Variants in RBFOX1 observed in about 807,000 individuals in gnomAD.
RBFOX1 encodes the protein RNA binding fox-1 homolog 1.
RBFOX1 carries 8 observed loss-of-function variants against 57.7 expected under a neutral mutation model. The ratio of observed to expected loss-of-function variants is 0.14; its 90% CI spans 0.08 to 0.25. The LOEUF is 0.25. Ranked by LOEUF, RBFOX1 falls within the 10% of genes least tolerant of loss-of-function variation. The pLI is 1.00. For synonymous variants in RBFOX1, 326 were observed against 222.4 expected, an observed-to-expected ratio of 1.47 and a Z score of -4.15; for missense variants, 611 against 548.5, an observed-to-expected ratio of 1.11 and a Z score of -1.14.
chr16:6,745,490 C>T (rs983348287), intron 3 of RBFOX1, among the ~76,000 whole-genome samples: 1 of 152,068 alleles, frequency 6.6e-6, no homozygotes, highest in East Asian at 1.9e-4. Flanking sequence ...GAAAAGATGC[C>T]TTAACATTTG....
At chr16:7,193,657 T>C (rs149622864) in intron 4 of RBFOX1, among the ~76,000 whole-genome samples, 8 of 152,334 alleles carry the variant, frequency 5.3e-5, no homozygotes, top group African/African-American at 1.9e-4. Flanking sequence ...TGCAACAGTG[T>C]GATGTTAACT....
intron 4 of RBFOX1, among the ~76,000 whole-genome samples, chr16:7,120,860 T>C (rs79527558): frequency 0.084 from 10,501 of 124,468 alleles, 688 homozygotes; most frequent in African/African-American, 0.21. Context: ...CACACACACA[T>C]ACGTAAACAT....
At chr16:7,248,931 G>T (rs1044364254) in intron 4 of RBFOX1, among the ~76,000 whole-genome samples, 9 of 152,134 alleles carry the variant, frequency 5.9e-5, no homozygotes, top group African/African-American at 2.2e-4. Context: ...CAAGAAAGGC[G>T]GGTAGCACCA....
chr16:7,313,781 A>G (rs1603618798), intron 4 of RBFOX1, among the ~76,000 whole-genome samples: 1 of 152,144 alleles, frequency 6.6e-6, no homozygotes, highest in Non-Finnish European at 1.5e-5. Flanking sequence ...CTTAGGTGGG[A>G]GAGCTGATAT....
chr16:5,383,674 CAT>C (rs1449729106), intron 1 of RBFOX1, among the ~76,000 whole-genome samples: 2 of 152,124 alleles, frequency 1.3e-5, no homozygotes, highest in Non-Finnish European at 2.9e-5. Context: ...CATTGCAACA[CAT>C]GTTTATAAGA....
At chr16:7,175,355 G>C (rs1257310232) in intron 4 of RBFOX1, among the ~76,000 whole-genome samples, 1 of 151,792 alleles carries the variant, frequency 6.6e-6, no homozygotes, top group African/African-American at 2.4e-5. Context: ...AGTGAATCTT[G>C]AGGAATCTTA....
At chr16:7,287,652 T>C (rs1416594086) in intron 4 of RBFOX1, among the ~76,000 whole-genome samples, 1 of 152,136 alleles carries the variant, frequency 6.6e-6, no homozygotes, top group Non-Finnish European at 1.5e-5. Flanking sequence ...CTTGGATTGA[T>C]TGACAATTTT....
chr16:6,127,035 T>C (rs952827220), intron 1 of RBFOX1, among the ~76,000 whole-genome samples: 1 of 152,060 alleles, frequency 6.6e-6, no homozygotes, highest in African/African-American at 2.4e-5. Context: ...CCACTAAGGC[T>C]TAGAGAGGGG....
At chr16:6,990,482 G>A (rs984334642) in intron 3 of RBFOX1, among the ~76,000 whole-genome samples, 6 of 151,986 alleles carry the variant, frequency 3.9e-5, no homozygotes, top group South Asian at 2.1e-4. Flanking sequence ...TTGAGATCTC[G>A]CCACTGCATT....
At chr16:6,158,042 C>T (rs2152738788) in intron 1 of RBFOX1, among the ~76,000 whole-genome samples, 1 of 152,240 alleles carries the variant, frequency 6.6e-6, no homozygotes, top group Non-Finnish European at 1.5e-5. Context: ...AATGATACAG[C>T]AAATCATATC....
intron 1 of RBFOX1, among the ~76,000 whole-genome samples, chr16:5,361,126 C>T (rs1018946332): frequency 6.6e-6 from 1 of 152,192 alleles, no homozygotes; most frequent in Middle Eastern, 3.2e-3. Flanking sequence ...GTTCTATTGT[C>T]TTTTCAGTTT....
At chr16:5,792,937 G>A (rs2054750327) in intron 3 of RBFOX1, among the ~76,000 whole-genome samples, 1 of 152,180 alleles carries the variant, frequency 6.6e-6, no homozygotes, top group Non-Finnish European at 1.5e-5. Flanking sequence ...TCTTTGTGTT[G>A]GGTAGGCTGA....
intron 3 of RBFOX1, among the ~76,000 whole-genome samples, chr16:6,811,017 A>G (rs1272802519): frequency 1.3e-5 from 2 of 152,256 alleles, no homozygotes; most frequent in African/African-American, 4.8e-5. Context: ...AAATAGTTAC[A>G]GAACACACAC....
chr16:7,472,073 T>C (rs923751848), intron 4 of RBFOX1, among the ~76,000 whole-genome samples: 3 of 152,228 alleles, frequency 2.0e-5, no homozygotes, highest in Admixed American at 6.5e-5. Flanking sequence ...CTGGCATCTC[T>C]CCTTCAGCAT....
intron 2 of RBFOX1, among the ~76,000 whole-genome samples, chr16:6,376,969 T>C (rs2091253759): frequency 6.6e-6 from 1 of 151,876 alleles, no homozygotes; most frequent in Non-Finnish European, 1.5e-5. Context: ...TTCCTTCTTC[T>C]TATAAAGGTA....
chr16:5,700,657 A>G lies in RBFOX1; in HGVS notation c.318+101696A>G, dbSNP rs550408387. Among the ~76,000 whole-genome samples the G allele has an allele frequency of 7.2e-5, 11 of 152,284 alleles. No individual in the cohort carries two copies. The South Asian group carries it at 2.1e-3, about 29-fold the overall frequency. On this transcript the variant is annotated intron_variant, in intron 3 of 19. Transcript: ENST00000641259. ...AAAATTCTCCATAATGATGTCTTCA[A>G]TTTCTTCAGTTCTGTTATTGTTTTT...
intron 2 of RBFOX1, among the ~76,000 whole-genome samples, chr16:6,651,854 G>A (rs1451081392): frequency 6.6e-6 from 1 of 152,102 alleles, no homozygotes; most frequent in Non-Finnish European, 1.5e-5. Flanking sequence ...ACCAAATGTG[G>A]TCTCTCCATA....
At chr16:7,280,703 A>G (rs929633010) in intron 4 of RBFOX1, among the ~76,000 whole-genome samples, 15 of 152,296 alleles carry the variant, frequency 9.8e-5, no homozygotes, top group African/African-American at 3.4e-4. Flanking sequence ...GTTTTGGACC[A>G]GATTGATAGT....
chr16:6,250,668 C>T (rs1362782724), intron 1 of RBFOX1, among the ~76,000 whole-genome samples: 3 of 152,214 alleles, frequency 2.0e-5, no homozygotes, highest in Non-Finnish European at 4.4e-5. Context: ...CTGCACCAGT[C>T]GGGGAAGCCT....
Sources: allele counts gnomAD v4.1 joint callset (sites outside exome capture counted in the v4.1 genomes callset), GRCh38; gene constraint gnomAD v4.1.1; transcripts MANE v1.5; gene names NCBI Gene and HGNC (gene_info 2026-07-23, HGNC 2026-07-21).